The following YLPM1 variants were observed in gnomAD, a reference collection of about 807,000 sequenced individuals.
YLPM1 encodes YLP motif containing 1.
A neutral mutation model predicts 230.0 loss-of-function variants in YLPM1; 99 were observed. That is an observed-to-expected ratio of 0.43 (90% CI 0.37 to 0.51). The LOEUF is 0.51. Among genes scored for constraint, YLPM1 ranks in the 20% least tolerant of loss-of-function variants. The pLI is 0.00. For synonymous variants in YLPM1, 984 were observed against 942.5 expected, an observed-to-expected ratio of 1.04 and a Z score of -0.81; for missense variants, 2,592 against 2,707.7, an observed-to-expected ratio of 0.96 and a Z score of 0.95.
intron 16 of YLPM1, among the ~76,000 whole-genome samples, chr14:74,819,660 A>G (rs773661413): frequency 6.6e-6 from 1 of 151,498 alleles, no homozygotes; most frequent in African/African-American, 2.4e-5. Flanking sequence ...TTGTCTGGCA[A>G]CTCTTTCACT....
At chr14:74,804,235 A>G (rs889589534) in intron 6 of YLPM1, among the ~76,000 whole-genome samples, 3 of 152,208 alleles carry the variant, frequency 2.0e-5, no homozygotes, top group African/African-American at 4.8e-5. Flanking sequence ...GACTACCCCT[A>G]TACTCCACTT....
At chr14:74,816,470 C>G in intron 12 of YLPM1, 101 bp from the exon 13 acceptor site, 1 of 1,425,132 alleles carries the variant, frequency 7.0e-7, no homozygotes, top group Admixed American at 2.7e-5. Context: ...TTTGAAACCA[C>G]CAGAAGATTG....
intron 2 of YLPM1, 104 bp downstream of exon 2, chr14:74,778,787 G>C: frequency 2.1e-6 from 2 of 973,944 alleles, no homozygotes; most frequent in Non-Finnish European, 3.0e-6. Context: ...TGTTTTTTTA[G>C]GTACCTATAA....
At chr14:74,793,269 T>C (rs561909886) in intron 4 of YLPM1, among the ~76,000 whole-genome samples, 5 of 152,330 alleles carry the variant, frequency 3.3e-5, no homozygotes, top group African/African-American at 1.2e-4. Context: ...TCATTTTTTT[T>C]CTCTCGTTTT....
chr14:74,791,022 A>G (rs1372615982), intron 4 of YLPM1, among the ~76,000 whole-genome samples: 3 of 152,150 alleles, frequency 2.0e-5, no homozygotes, highest in Non-Finnish European at 4.4e-5. Flanking sequence ...CAGGTGGATT[A>G]CTTGAGCTCA....
Position 74,827,636 on chromosome 14 carries a change from T to C in YLPM1, c.6164-1577T>C. On this transcript the variant is annotated intron_variant, in intron 18 of 20. Coordinates refer to ENST00000325680, the MANE Select transcript of YLPM1 (RefSeq NM_019589.3). Reference sequence around the variant, plus strand: ...TGGAACTGAAATATGAAATTTTTACTTTGAAGTATGTTAATGTCAAAGTTG... The same window carrying C: ...TGGAACTGAAATATGAAATTTTTACCTTGAAGTATGTTAATGTCAAAGTTG... 3.0e-6 allele frequency: 3 copies of C among 985,444 alleles called. No homozygotes were observed. In the South Asian group the frequency reaches 1.4e-4, roughly 46 times the overall value. 61.0% of individuals were successfully genotyped at this position (985,444 alleles called of 1,614,324 possible).
rs1206117364 is a variant in YLPM1 at position 74,781,371 on chromosome 14, T to G, written c.1328T>G (p.Met443Arg). Residue 443 changes from methionine to arginine, a missense_variant, in exon 4 of 21, where the codon ATG becomes AGG. This residue lies in a region of YLPM1 where 1,862 missense variants were observed against 1,819.8 expected (regional missense o/e 1.02). Transcript: ENST00000325680. Reference sequence around the variant, plus strand: ...GATATGCAGCTGCGGCATTATGAGATGCAGCAGCAACAGTTTCAACATCTT... The same window carrying G: ...GATATGCAGCTGCGGCATTATGAGAGGCAGCAGCAACAGTTTCAACATCTT... ...SVDMQLRHYE[M>R]QQQQFQHLYQ... The G allele has an allele frequency of 1.3e-6, 2 of 1,581,442 alleles. No homozygotes were observed. Among genetic ancestry groups the G allele is most frequent in the Admixed American group, 3.7e-5 (2 of 54,462 alleles).
At chr14:74,805,681 A>G (rs971938721) in intron 6 of YLPM1, among the ~76,000 whole-genome samples, 2 of 149,990 alleles carry the variant, frequency 1.3e-5, no homozygotes, top group African/African-American at 4.9e-5. Context: ...AAAGTGGGAC[A>G]CTTCAGTCAA....
Position 74,818,325 on chromosome 14 carries a change from T to C in YLPM1, c.6030+11T>C. The C allele has an allele frequency of 6.3e-7, 1 of 1,583,572 alleles. No homozygotes were observed. The highest frequency in any genetic ancestry group is 1.2e-5 in the South Asian group (1 of 85,528). ...GCTGCTATTGAAGAGGTGAGTATCC[T>C]TTGGTTCAAATGCAATGCAAAGTGA... On this transcript the variant is annotated intron_variant, in intron 16 of 20. Transcript: ENST00000325680.
chr14:74,808,277 A>G (rs2091398443), intron 6 of YLPM1, among the ~76,000 whole-genome samples: 1 of 152,110 alleles, frequency 6.6e-6, no homozygotes, highest in Non-Finnish European at 1.5e-5. Flanking sequence ...AAGTTTACCC[A>G]TGTTGTAGCA....
intron 11 of YLPM1, among the ~76,000 whole-genome samples, chr14:74,813,989 G>A (rs1387944126): frequency 6.6e-6 from 1 of 152,138 alleles, no homozygotes; most frequent in African/African-American, 2.4e-5. Context: ...CTCCAATGCA[G>A]TGTTGAATAG....
At chr14:74,768,492 C>G (rs529023397) in intron 1 of YLPM1, among the ~76,000 whole-genome samples, 1 of 152,322 alleles carries the variant, frequency 6.6e-6, no homozygotes, top group African/African-American at 2.4e-5. Flanking sequence ...AGTGATCCAC[C>G]TGCTTCGGCC....
In YLPM1 at chr14:74,801,664, T is replaced by C. The variant is rs534265423; in HGVS notation, c.4401-892T>C. 2.6e-5 allele frequency among the ~76,000 whole-genome samples: 4 copies of C among 152,148 alleles called. No homozygotes were observed. In the South Asian group the frequency reaches 8.3e-4, roughly 32 times the overall value. The stretch of plus-strand genomic sequence containing the variant: ...GTGGGCCAAGTATAACTCTGTAGAG[T>C]ACGGTGAAGATTGTGACAGGTTGTT... On this transcript the variant is annotated intron_variant, in intron 5 of 20. Coordinates refer to ENST00000325680, the MANE Select transcript of YLPM1 (RefSeq NM_019589.3).
In YLPM1 at chr14:74,817,274, T is replaced by C; in HGVS notation, c.5943T>C (p.Asn1981=). Residue 1981 remains asparagine, a synonymous_variant, in exon 15 of 21, where the codon AAT becomes AAC. Coordinates refer to ENST00000325680, the MANE Select transcript of YLPM1 (RefSeq NM_019589.3). ...NIHGRKLKEI[N]KMADHWETAP... ...ATGGAAGAAAGCTTAAAGAAATAAATAAGGTGATTTTAAGAAACATAGAAT... is the reference window on the plus strand; with the variant it reads ...ATGGAAGAAAGCTTAAAGAAATAAACAAGGTGATTTTAAGAAACATAGAAT... 5 of 1,574,694 alleles carry C rather than the reference T, an allele frequency of 3.2e-6. No individual in the cohort carries two copies. Among genetic ancestry groups the C allele is most frequent in the Non-Finnish European group, 4.3e-6 (5 of 1,159,120 alleles).
intron 6 of YLPM1, among the ~76,000 whole-genome samples, chr14:74,807,853 G>T (rs2091394455): frequency 6.6e-6 from 1 of 152,196 alleles, no homozygotes; most frequent in African/African-American, 2.4e-5. Context: ...TGTTTTTGTG[G>T]AGGAGATAGG....
chr14:74,790,488 AT>A (rs1416890330), intron 4 of YLPM1, among the ~76,000 whole-genome samples: 1 of 152,176 alleles, frequency 6.6e-6, no homozygotes, highest in African/African-American at 2.4e-5. Context: ...CTTTAAAAGT[AT>A]TTGTATAACT....
rs746357308 is a variant in YLPM1 at position 74,781,970 on chromosome 14, C to T, written c.1927C>T (p.Pro643Ser). The T allele has an allele frequency of 1.2e-6, 2 of 1,613,626 alleles. No homozygotes were observed. Among genetic ancestry groups the T allele is most frequent in the South Asian group, 2.2e-5 (2 of 91,052 alleles). Reference sequence around the variant, plus strand: ...TCCCCCTGGAGTTCCACAAGGGATACCTCCTCAGTTAACAGCAGCCCCAGT... The same window carrying T: ...TCCCCCTGGAGTTCCACAAGGGATATCTCCTCAGTTAACAGCAGCCCCAGT... ...IPPPGVPQGIPPQLTAAPVPP... is the reference protein window; with the variant it reads ...IPPPGVPQGISPQLTAAPVPP... The change falls in exon 4 of 21, where the codon CCT becomes TCT. Residue 643 changes from proline to serine, a missense_variant. By Grantham distance (74) the Pro-to-Ser change is moderately conservative (BLOSUM62 -1). Around this residue, in one of 4 missense-constraint regions of YLPM1, gnomAD observed 1,862 missense variants for 1,819.8 expected, o/e 1.02. Coordinates refer to ENST00000325680, the MANE Select transcript of YLPM1 (RefSeq NM_019589.3).
intron 4 of YLPM1, among the ~76,000 whole-genome samples, chr14:74,788,758 G>A (rs998807908): frequency 9.2e-5 from 14 of 152,052 alleles, no homozygotes; most frequent in Non-Finnish European, 1.6e-4. Context: ...TGGGAGGATC[G>A]CTTGAGCCTG....
At chr14:74,774,845 A>C (rs1052119516) in intron 1 of YLPM1, among the ~76,000 whole-genome samples, 1 of 152,138 alleles carries the variant, frequency 6.6e-6, no homozygotes, top group South Asian at 2.1e-4. Context: ...CACCTGGCCG[A>C]GGATTGATTG....
Sources: allele counts gnomAD v4.1 joint callset (sites outside exome capture counted in the v4.1 genomes callset), GRCh38; gene constraint gnomAD v4.1.1; regional missense constraint gnomAD v4.1.1; transcripts MANE v1.5; gene names NCBI Gene and HGNC (gene_info 2026-07-23, HGNC 2026-07-21).